Variants in SYNE2 observed in about 807,000 individuals in gnomAD.
The protein encoded by SYNE2 is spectrin repeat containing nuclear envelope protein 2, also known as nesprin-2.
In SYNE2, 431 loss-of-function variants were observed where a neutral mutation model predicts 856.3. The observed-to-expected ratio is 0.50, with a 90% confidence interval of 0.47 to 0.55. The LOEUF (loss-of-function observed/expected upper bound fraction) is 0.55, where lower values mean the gene tolerates loss of function less well. SYNE2 is among the 20% of genes least tolerant of loss of function. SYNE2 has a pLI of 0.00. For synonymous variants in SYNE2, 2,923 were observed against 2,872.3 expected (o/e 1.02, Z -0.56); for missense variants, 8,129 against 8,023.2 (o/e 1.01, Z -0.50).
chr14:64,126,288 G>T (rs1480188107), intron 71 of SYNE2, 39 bp from the exon 72 acceptor site: 1 of 1,579,114 alleles, frequency 6.3e-7, no homozygotes, highest in Non-Finnish European at 8.7e-7. Flanking sequence ...GAAGGCAAAG[G>T]TATCTTAATT....
chr14:63,860,512 A>T (rs1444060362), intron 1 of SYNE2, among the ~76,000 whole-genome samples: 1 of 152,260 alleles, frequency 6.6e-6, no homozygotes, highest in Non-Finnish European at 1.5e-5. Flanking sequence ...AACACATTTG[A>T]CAAAAAGGAG....
chr14:63,803,566 C>T (rs1050328784), intron 1 of SYNE2, among the ~76,000 whole-genome samples: 2 of 152,222 alleles, frequency 1.3e-5, no homozygotes, highest in Non-Finnish European at 2.9e-5. Flanking sequence ...GAGTGCGGGG[C>T]CCGCCAAGCC....
intron 99 of SYNE2, among the ~76,000 whole-genome samples, chr14:64,191,673 G>A (rs2098519435): frequency 6.6e-6 from 1 of 152,154 alleles, no homozygotes; most frequent in Non-Finnish European, 1.5e-5. Context: ...GTCATGCCTG[G>A]TTCCTTAGCA....
intron 1 of SYNE2, among the ~76,000 whole-genome samples, chr14:63,834,342 G>A (rs1175903623): frequency 6.6e-6 from 1 of 151,944 alleles, no homozygotes; most frequent in Non-Finnish European, 1.5e-5. Context: ...CAGCCTGGGT[G>A]ACACAGTGAG....
At chr14:63,917,284 C>G (rs2095544312) in intron 2 of SYNE2, among the ~76,000 whole-genome samples, 1 of 152,056 alleles carries the variant, frequency 6.6e-6, no homozygotes, top group African/African-American at 2.4e-5. Context: ...AGCAAATTAT[C>G]TTTGGCTGGT....
At chr14:64,126,829 C>T (rs2097950717) in intron 73 of SYNE2, 22 bp downstream of exon 73, 1 of 1,605,688 alleles carries the variant, frequency 6.2e-7, no homozygotes, top group Non-Finnish European at 8.5e-7. Flanking sequence ...AGCACACAGC[C>T]TATTTTGGCA....
chr14:64,114,610 T>C (rs1414114469), intron 66 of SYNE2, among the ~76,000 whole-genome samples: 1 of 151,236 alleles, frequency 6.6e-6, no homozygotes, highest in Non-Finnish European at 1.5e-5. Flanking sequence ...GCACCTCTGA[T>C]CTCAAAAGTC....
Position 64,021,860 on chromosome 14 carries a change from A to C in SYNE2, c.5356A>C (p.Ile1786Leu). Residue 1786 changes from isoleucine (I) to leucine (L), a missense_variant, in exon 37 of 116, where the codon ATA (isoleucine) becomes CTA (leucine). Around this residue, in one of 3 missense-constraint regions of SYNE2, gnomAD observed 2,422 missense variants for 2,357.4 expected, o/e 1.03. Coordinates refer to ENST00000555002, the MANE Select transcript of SYNE2 (RefSeq NM_182914.3). ...SLEIFTKLEE[I>L]QQQILQQKHS... ...TGTTGTTTGTTTATGCATTTAGGAG[A>C]TACAACAGCAGATTCTACAGCAAAA... 1 of 1,613,920 alleles carries C rather than the reference A, an allele frequency of 6.2e-7. No individual in the cohort carries two copies. Among genetic ancestry groups the C allele is most frequent in the Non-Finnish European group, 8.5e-7 (1 of 1,179,918 alleles).
At chr14:64,040,599 T>A (rs539655057) in intron 45 of SYNE2, among the ~76,000 whole-genome samples, 181 of 145,504 alleles carry the variant, frequency 1.2e-3, no homozygotes, top group African/African-American at 4.0e-3. Flanking sequence ...AGGTTAAAAA[T>A]ATATATATAT....
At chr14:63,762,043 T>A in intron 1 of SYNE2, 1 of 502,818 alleles carries the variant, frequency 2.0e-6, no homozygotes. Context: ...CGTTCTTGAC[T>A]CAGGAGGCGT....
chr14:64,035,009 C>T (rs556348121), intron 45 of SYNE2, among the ~76,000 whole-genome samples: 12 of 150,094 alleles, frequency 8.0e-5, no homozygotes, highest in African/African-American at 1.5e-4. Context: ...CCCATCCTTC[C>T]GAAATAGCAG....
chr14:63,909,858 G>A (rs1003082428), intron 2 of SYNE2, among the ~76,000 whole-genome samples: 5 of 152,110 alleles, frequency 3.3e-5, no homozygotes, highest in Admixed American at 6.6e-5. Flanking sequence ...ATGAATGAAT[G>A]AATGCACATC....
At chr14:64,113,001 T>A (rs992399088) in intron 65 of SYNE2, 3 of 985,388 alleles carry the variant, frequency 3.0e-6, no homozygotes, top group Non-Finnish European at 3.6e-6. Flanking sequence ...CGCTAAACAC[T>A]GGCCAATTCC....
At chr14:63,964,516 T>C (rs972977959) in intron 10 of SYNE2, among the ~76,000 whole-genome samples, 4 of 151,848 alleles carry the variant, frequency 2.6e-5, no homozygotes, top group African/African-American at 9.7e-5. Flanking sequence ...ATTTTATTTT[T>C]ATTTTTATTT....
At chr14:64,130,016 A>G in intron 75 of SYNE2, 32 bp from the exon 76 acceptor site, 1 of 1,613,320 alleles carries the variant, frequency 6.2e-7, no homozygotes, top group Non-Finnish European at 8.5e-7. Context: ...TTGGATGAAA[A>G]TGCATGTGTG....
At chr14:64,192,719 C>T (rs1373697639) in intron 99 of SYNE2, among the ~76,000 whole-genome samples, 1 of 152,158 alleles carries the variant, frequency 6.6e-6, no homozygotes, top group Non-Finnish European at 1.5e-5. Flanking sequence ...TGAAGCTAAG[C>T]AGCTTACCCA....
At chr14:64,057,029 A>C (rs2097276264) in intron 49 of SYNE2, among the ~76,000 whole-genome samples, 1 of 151,938 alleles carries the variant, frequency 6.6e-6, no homozygotes, top group Admixed American at 6.6e-5. Flanking sequence ...ATATATATTT[A>C]TGACATATAT....
rs377701650 is a variant in SYNE2, at chr14:64,121,951, C to G, written c.13159-61C>G. ...ATTAGATTTATCTCAGCAGAGGAAACTAGTGGGTACTAATCGAAAAGCTTG... is the reference window on the plus strand; with the variant it reads ...ATTAGATTTATCTCAGCAGAGGAAAGTAGTGGGTACTAATCGAAAAGCTTG... On this transcript the variant is annotated intron_variant, in intron 68 of 115. Coordinates refer to ENST00000555002, the MANE Select transcript of SYNE2 (RefSeq NM_182914.3). 7 of 1,605,346 alleles carry G rather than the reference C, an allele frequency of 4.4e-6. No individual in the cohort carries two copies. The East Asian group carries it at 1.6e-4, about 36-fold the overall frequency.
intron 1 of SYNE2, among the ~76,000 whole-genome samples, chr14:63,837,036 A>G (rs12588955): frequency 0.1 from 15,846 of 152,220 alleles, 912 homozygotes; most frequent in African/African-American, 0.15. Flanking sequence ...TTGTGTTACT[A>G]TTATAAGTAA....
Sources: allele counts gnomAD v4.1 joint callset (sites outside exome capture counted in the v4.1 genomes callset), GRCh38; gene constraint gnomAD v4.1.1; regional missense constraint gnomAD v4.1.1; transcripts MANE v1.5; gene names NCBI Gene and HGNC (gene_info 2026-07-23, HGNC 2026-07-21).